Variants in AGBL1 observed in about 807,000 individuals in gnomAD.
The protein encoded by AGBL1 is cytosolic carboxypeptidase 4.
AGBL1 carries 130 observed loss-of-function variants against 118.9 expected under a neutral mutation model. The ratio of observed to expected loss-of-function variants is 1.09; its 90% CI spans 0.95 to 1.26. The LOEUF is 1.26. Among genes scored for constraint, AGBL1 ranks in the 50% most tolerant of loss-of-function variants. AGBL1 has a pLI of 0.00. For missense variants in AGBL1, 1,584 were observed against 1,298.1 expected (o/e 1.22, Z -3.38); for synonymous variants, 555 against 478.9 (o/e 1.16, Z -2.08).
intron 5 of AGBL1, among the ~76,000 whole-genome samples, chr15:86,209,593 T>A: frequency 6.6e-6 from 1 of 152,204 alleles, no homozygotes; most frequent in East Asian, 1.9e-4. Context: ...CTTTTGATCT[T>A]TGTTGGTTTA....
intron 22 of AGBL1, among the ~76,000 whole-genome samples, chr15:86,887,236 C>A (rs550893154): frequency 6.6e-6 from 1 of 152,264 alleles, no homozygotes; most frequent in South Asian, 2.1e-4. Flanking sequence ...TCCATCTATG[C>A]ATATATCTAT....
chr15:86,469,156 T>G (rs1462216920), intron 18 of AGBL1, among the ~76,000 whole-genome samples: 1 of 152,178 alleles, frequency 6.6e-6, no homozygotes, highest in Non-Finnish European at 1.5e-5. Context: ...ATAGGCACCT[T>G]GAAGTACAAG....
intron 5 of AGBL1, among the ~76,000 whole-genome samples, chr15:86,169,476 GTCATCCCTCGATAT>G (rs2077385838): frequency 6.6e-6 from 1 of 152,162 alleles, no homozygotes; most frequent in African/African-American, 2.4e-5. Flanking sequence ...GAGGAATAAA[GTCATCCCTCGATAT>G]TCATAGAGGA....
At chr15:86,590,603 G>T (rs570707033) in intron 21 of AGBL1, among the ~76,000 whole-genome samples, 29 of 152,296 alleles carry the variant, frequency 1.9e-4, no homozygotes, top group African/African-American at 7.0e-4. Flanking sequence ...AGTTTGCAAA[G>T]GGGGTCTTGT....
At chr15:86,597,373 G>A (rs190645775) in intron 21 of AGBL1, among the ~76,000 whole-genome samples, 91 of 152,194 alleles carry the variant, frequency 6.0e-4, no homozygotes, top group Middle Eastern at 6.8e-3. Flanking sequence ...GAAATTTTAC[G>A]AGCTGGCTTT....
intron 13 of AGBL1, among the ~76,000 whole-genome samples, chr15:86,267,620 G>A (rs1015128363): frequency 1.3e-5 from 2 of 152,172 alleles, no homozygotes; most frequent in Non-Finnish European, 2.9e-5. Context: ...CTACAGATGA[G>A]CTCTCAGTAG....
At chr15:86,326,895 T>C (rs997504081) in intron 17 of AGBL1, among the ~76,000 whole-genome samples, 2 of 152,062 alleles carry the variant, frequency 1.3e-5, no homozygotes, top group Non-Finnish European at 2.9e-5. Flanking sequence ...TAGAATGATG[T>C]TATCCCCCAT....
rs747243593 is a variant in AGBL1, at chr15:86,546,115, A to G, written c.2799A>G (p.Leu933=). The change falls in exon 20 of 23, where the codon CTA becomes CTG. Residue 933 remains leucine (L), a synonymous_variant. Coordinates refer to ENST00000614907, the MANE Select transcript of AGBL1 (RefSeq NM_001386094.1). ...AACTVGTSTI[L]EEVNYRTLPK... is the part of the protein sequence containing the mutation. ...GCACTGTGGGCACATCTACTATCCTAGAGGAGGTCAACTACAGGGTAAGCC... is the reference window on the plus strand; with the variant it reads ...GCACTGTGGGCACATCTACTATCCTGGAGGAGGTCAACTACAGGGTAAGCC... 2 of 1,612,954 alleles carry G rather than the reference A, an allele frequency of 1.2e-6. No homozygotes were observed. Among genetic ancestry groups the G allele is most frequent in the Non-Finnish European group, 1.7e-6 (2 of 1,179,256 alleles).
intron 22 of AGBL1, among the ~76,000 whole-genome samples, chr15:86,796,708 C>A (rs1389675872): frequency 6.6e-6 from 1 of 152,180 alleles, no homozygotes; most frequent in South Asian, 2.1e-4. Context: ...ATTATTAGAA[C>A]ATAGCTACAC....
At chr15:86,810,384 A>T (rs114810994) in intron 22 of AGBL1, among the ~76,000 whole-genome samples, 138 of 152,240 alleles carry the variant, frequency 9.1e-4, no homozygotes, top group African/African-American at 3.2e-3. Context: ...TTCACCTTCT[A>T]GGTCCAAAGA....
intron 21 of AGBL1, among the ~76,000 whole-genome samples, chr15:86,654,014 G>C (rs543791132): frequency 6.6e-6 from 1 of 152,252 alleles, no homozygotes; most frequent in South Asian, 2.1e-4. Context: ...AGAGGTAACA[G>C]GAAACCACAG....
chr15:86,866,081 C>G (rs954268471), intron 22 of AGBL1, among the ~76,000 whole-genome samples: 1 of 152,184 alleles, frequency 6.6e-6, no homozygotes, highest in Non-Finnish European at 1.5e-5. Context: ...ATCTACTCTG[C>G]CATTCTTTTT....
chr15:86,365,046 CACATATATATACACAT>C (rs1345273156), intron 17 of AGBL1, among the ~76,000 whole-genome samples: 1 of 143,134 alleles, frequency 7.0e-6, no homozygotes, highest in African/African-American at 2.6e-5. Flanking sequence ...TATATATACA[CACATATATATACACAT>C]ATATATATAC....
chr15:86,437,148 G>C (rs763356991), intron 18 of AGBL1, among the ~76,000 whole-genome samples: 2 of 151,956 alleles, frequency 1.3e-5, no homozygotes, highest in African/African-American at 4.8e-5. Flanking sequence ...GGACACTGAG[G>C]GTGTGTAAGA....
chr15:86,432,149 G>C (rs1333042851), intron 18 of AGBL1, among the ~76,000 whole-genome samples: 1 of 152,158 alleles, frequency 6.6e-6, no homozygotes, highest in Non-Finnish European at 1.5e-5. Flanking sequence ...CCTGGGATCC[G>C]ACCTTCTGAC....
At chr15:86,874,568 C>T (rs1454075977) in intron 22 of AGBL1, among the ~76,000 whole-genome samples, 1 of 152,164 alleles carries the variant, frequency 6.6e-6, no homozygotes, top group African/African-American at 2.4e-5. Context: ...GCCCCTGCCA[C>T]AGCACCTGGG....
chr15:86,628,906 T>C (rs892666882), intron 21 of AGBL1, among the ~76,000 whole-genome samples: 4 of 152,186 alleles, frequency 2.6e-5, no homozygotes, highest in Non-Finnish European at 5.9e-5. Flanking sequence ...TACAACAAGA[T>C]GTTTGATATA....
intron 22 of AGBL1, among the ~76,000 whole-genome samples, chr15:86,676,788 C>A (rs1047535337): frequency 2.0e-5 from 3 of 152,102 alleles, no homozygotes; most frequent in East Asian, 3.9e-4. Context: ...GGGGGCTCTT[C>A]TCCAAAGGTC....
At chr15:86,434,426 G>T (rs1460897495) in intron 18 of AGBL1, among the ~76,000 whole-genome samples, 8 of 152,222 alleles carry the variant, frequency 5.3e-5, no homozygotes, top group Admixed American at 3.3e-4. Flanking sequence ...CTGAAATGCA[G>T]GGAGAGCAGA....
Sources: gnomAD v4.1 joint callset for allele counts (sites outside exome capture counted in the v4.1 genomes callset) on GRCh38, gnomAD v4.1.1 for gene constraint, MANE v1.5 for transcripts, NCBI Gene and HGNC (gene_info 2026-07-23, HGNC 2026-07-21) for gene names.